The following SUPT3H variants were observed in gnomAD, a reference collection of about 807,000 sequenced individuals.
SUPT3H encodes the protein SPT3 homolog, SAGA and STAGA complex component.
Under a neutral mutation model 44.3 loss-of-function variants are expected in SUPT3H, and 44 were observed. The observed-to-expected ratio is 0.99, with a 90% CI of 0.78 to 1.28. The LOEUF is 1.28. Among genes scored for constraint, SUPT3H ranks in the 50% most tolerant of loss-of-function variants. SUPT3H has a pLI of 0.00. For synonymous variants in SUPT3H, 124 were observed against 125.6 expected, an observed-to-expected ratio of 0.99 and a Z score of 0.09; for missense variants, 380 against 387.1, an observed-to-expected ratio of 0.98 and a Z score of 0.15.
intron 2 of SUPT3H, among the ~76,000 whole-genome samples, chr6:45,316,514 A>C (rs1307766875): frequency 6.6e-6 from 1 of 152,154 alleles, no homozygotes; most frequent in African/African-American, 2.4e-5. Context: ...CAGACAACAT[A>C]ATCTTTCATG....
At chr6:45,132,914 T>C (rs1435704582) in intron 2 of SUPT3H, among the ~76,000 whole-genome samples, 1 of 152,170 alleles carries the variant, frequency 6.6e-6, no homozygotes, top group Non-Finnish European at 1.5e-5. Context: ...TCACATGATT[T>C]ATCCAACAGG....
intron 10 of SUPT3H, among the ~76,000 whole-genome samples, chr6:44,890,868 A>T (rs1561976972): frequency 6.6e-6 from 1 of 151,956 alleles, no homozygotes; most frequent in Non-Finnish European, 1.5e-5. Context: ...GCTAGAAACT[A>T]TCATTCTCAG....
chr6:45,218,369 T>G (rs1765431277), intron 2 of SUPT3H, among the ~76,000 whole-genome samples: 1 of 152,042 alleles, frequency 6.6e-6, no homozygotes, highest in East Asian at 1.9e-4. Flanking sequence ...CTGATAGAGC[T>G]GGAAAAAAAA....
rs781426006 is a variant in SUPT3H, at chr6:45,061,294, C to T, written c.187-40662G>A. On this transcript the variant is annotated intron_variant, in intron 3 of 10. Coordinates refer to ENST00000371459, the MANE Select transcript of SUPT3H (RefSeq NM_003599.4). ...AAAAGGAATAAGATCATGTCCTTTG[C>T]AGGGACATAGATGGAGCTGCAAGCC... is the stretch of plus-strand genomic sequence containing the variant. Among the ~76,000 whole-genome samples the T allele has an allele frequency of 4.5e-4, 69 of 152,234 alleles. 3 individuals are homozygous for T. Among genetic ancestry groups the T allele is most frequent in the Middle Eastern group, 3.4e-3 (1 of 294 alleles).
chr6:45,347,848 A>G (rs1010447048), intron 2 of SUPT3H, among the ~76,000 whole-genome samples: 1 of 152,096 alleles, frequency 6.6e-6, no homozygotes, highest in African/African-American at 2.4e-5. Flanking sequence ...TGTAATTACT[A>G]TTTTTAAAAA....
intron 2 of SUPT3H, among the ~76,000 whole-genome samples, chr6:45,312,973 A>T (rs190460074): frequency 6.6e-6 from 1 of 152,254 alleles, no homozygotes; most frequent in Non-Finnish European, 1.5e-5. Context: ...CTGGAAATCA[A>T]CTCCAAAAGG....
At chr6:45,047,829 T>C (rs1161203471) in intron 3 of SUPT3H, among the ~76,000 whole-genome samples, 1 of 152,298 alleles carries the variant, frequency 6.6e-6, no homozygotes, top group East Asian at 1.9e-4. Flanking sequence ...TTAATTTGCA[T>C]TTCTCTGATG....
At chr6:45,322,312 T>G (rs1311112984) in intron 2 of SUPT3H, among the ~76,000 whole-genome samples, 1 of 151,620 alleles carries the variant, frequency 6.6e-6, no homozygotes, top group Non-Finnish European at 1.5e-5. Context: ...CAAGCTTCTA[T>G]TAAAGTGTAA....
intron 2 of SUPT3H, among the ~76,000 whole-genome samples, chr6:45,295,548 A>AAAAAAAAAAAAAC (rs1554330142): frequency 2.2e-5 from 2 of 90,218 alleles, no homozygotes; most frequent in African/African-American, 8.5e-5. Context: ...AAAAAAAAAA[A>AAAAAAAAAAAAAC]AAAAAACAGC....
intron 2 of SUPT3H, among the ~76,000 whole-genome samples, chr6:45,240,779 G>A (rs1224659276): frequency 6.6e-6 from 1 of 152,102 alleles, no homozygotes; most frequent in Non-Finnish European, 1.5e-5. Context: ...GAAACATGGT[G>A]GTATAGAGGC....
chr6:45,357,302 C>T (rs112908827), intron 2 of SUPT3H, among the ~76,000 whole-genome samples: 4,475 of 152,104 alleles, frequency 0.029, 92 homozygotes, highest in Non-Finnish European at 0.047. Context: ...CCACTGTGCC[C>T]GGTCAAGAAT....
At chr6:45,110,938 C>G (rs534133497) in intron 2 of SUPT3H, among the ~76,000 whole-genome samples, 2 of 151,670 alleles carry the variant, frequency 1.3e-5, no homozygotes, top group Non-Finnish European at 2.9e-5. Context: ...GTGTGTATTT[C>G]TTTTCAAGTT....
At chr6:45,288,429 C>T (rs1779666022) in intron 2 of SUPT3H, among the ~76,000 whole-genome samples, 1 of 151,388 alleles carries the variant, frequency 6.6e-6, no homozygotes, top group African/African-American at 2.4e-5. Flanking sequence ...CTATGCAATG[C>T]TGATTTAGAA....
chr6:44,847,489 A>AT lies in SUPT3H; in HGVS notation c.913-17633dup, dbSNP rs201785834. Reference sequence around the variant, plus strand: ...TGGAAACTTAAACAGTTATGGGAAGATTTTTTTTTTTTTTTTGAGACAGAG... The same window carrying AT: ...TGGAAACTTAAACAGTTATGGGAAGATTTTTTTTTTTTTTTTTGAGACAGAG... On this transcript the variant is annotated intron_variant, in intron 10 of 10. Transcript: ENST00000371459. Among the ~76,000 whole-genome samples the AT allele has an allele frequency of 9.2e-3, 1,317 of 143,690 alleles. 11 individuals are homozygous for AT. Among genetic ancestry groups the AT allele is most frequent in the African/African-American group, 0.025 (975 of 39,296 alleles). 94.3% of individuals were successfully genotyped at this position (143,690 alleles called of 152,430 possible).
At chr6:45,093,298 T>C (rs1246914074) in intron 3 of SUPT3H, among the ~76,000 whole-genome samples, 2 of 152,136 alleles carry the variant, frequency 1.3e-5, no homozygotes, top group Non-Finnish European at 2.9e-5. Context: ...TATACAGAAA[T>C]GTTTTTATTT....
intron 2 of SUPT3H, among the ~76,000 whole-genome samples, chr6:45,199,184 T>C (rs1451526102): frequency 6.6e-6 from 1 of 151,292 alleles, no homozygotes; most frequent in Non-Finnish European, 1.5e-5. Flanking sequence ...TAAAATACTG[T>C]TGTTGCATTG....
Position 44,849,257 on chromosome 6 carries a change from C to T in SUPT3H, c.913-19400G>A, listed in dbSNP as rs373023596. Among the ~76,000 whole-genome samples the T allele has an allele frequency of 7.2e-3, 902 of 125,220 alleles. 12 individuals carry two copies. Among genetic ancestry groups the T allele is most frequent in the African/African-American group, 0.025 (848 of 33,546 alleles). The allele number at this position is 125,220 out of a possible 152,430, so 82.1% of individuals were successfully genotyped here. A position where few individuals can be genotyped will look rare whatever the true frequency, so the allele number is the denominator to read the frequency against. On this transcript the variant is annotated intron_variant, in intron 10 of 10. Coordinates refer to ENST00000371459, the MANE Select transcript of SUPT3H (RefSeq NM_003599.4). Reference sequence around the variant, plus strand: ...TTTTTTTTTTTTTGAGACGGAGTCTCGCTCTGTCGCCCAGGCTGGAGTGCA... The same window carrying T: ...TTTTTTTTTTTTTGAGACGGAGTCTTGCTCTGTCGCCCAGGCTGGAGTGCA...
chr6:45,191,114 C>T (rs1027648494), intron 2 of SUPT3H, among the ~76,000 whole-genome samples: 1 of 152,068 alleles, frequency 6.6e-6, no homozygotes, highest in Non-Finnish European at 1.5e-5. Flanking sequence ...TAAACCTACA[C>T]ACAAATGTTT....
chr6:45,106,113 G>T, intron 2 of SUPT3H, 107 bp from the exon 3 acceptor site: 3 of 964,596 alleles, frequency 3.1e-6, no homozygotes, highest in Non-Finnish European at 4.8e-6. Context: ...AACATAAATT[G>T]TTTGCCCAAA....
Sources: allele counts gnomAD v4.1 joint callset (sites outside exome capture counted in the v4.1 genomes callset), GRCh38; gene constraint gnomAD v4.1.1; transcripts MANE v1.5; gene names NCBI Gene and HGNC (gene_info 2026-07-23, HGNC 2026-07-21).